UBE2V1: variants seen among roughly 807,000 people sequenced by gnomAD.
UBE2V1 encodes ubiquitin-conjugating enzyme E2 variant 1.
UBE2V1 carries 15 observed loss-of-function variants against 19.6 expected under a neutral mutation model. That is an observed-to-expected ratio of 0.77 (90% CI 0.51 to 1.18). The LOEUF (loss-of-function observed/expected upper bound fraction) is 1.18. Ranked by LOEUF, UBE2V1 falls within the 50% of genes most tolerant of loss-of-function variation. The probability of loss-of-function intolerance (pLI) is 0.00; values close to 1 mark genes in which losing one functional copy is unlikely to be tolerated. For synonymous variants in UBE2V1, 60 were observed against 60.7 expected, an observed-to-expected ratio of 0.99 and a Z score of 0.05; for missense variants, 125 against 184.8, an observed-to-expected ratio of 0.68 and a Z score of 1.88.
intron 2 of UBE2V1, among the ~76,000 whole-genome samples, chr20:50,094,208 A>AAT (rs60491332): frequency 0.54 from 61,046 of 112,268 alleles, 19,025 homozygotes; most frequent in African/African-American, 0.81. Flanking sequence ...CAGTATATAT[A>AAT]ATATATAACA....
chr20:50,082,838 C>T lies in UBE2V1; in HGVS notation c.374G>A (p.Arg125Gln), dbSNP rs1460812332. 8 of 1,613,212 alleles carry T rather than the reference C, an allele frequency of 5.0e-6. No homozygotes were observed. The highest frequency in any genetic ancestry group is 1.3e-5 in the African/African-American group (1 of 74,974). ...ATTTTCTTTAGACATCATTAGGCGC[C>T]GAAGCTCTTGCAGGACAACTTTGAT... is the stretch of plus-strand genomic sequence containing the variant. ...YSIKVVLQEL[R>Q]RLMMSKENMK... Residue 125 changes from arginine (R) to glutamine (Q), a missense_variant, in exon 4 of 4, where the codon CGG becomes CAG. Arg to Gln is a conservative substitution (Grantham distance 43, BLOSUM62 1). This residue lies in a region of UBE2V1 where 78 missense variants were observed against 108.8 expected (regional missense o/e 0.72). Coordinates refer to ENST00000371674, the MANE Select transcript of UBE2V1 (RefSeq NM_001032288.3).
At chr20:50,084,477 C>A (rs762326445) in intron 2 of UBE2V1, 1 of 760,528 alleles carries the variant, frequency 1.3e-6, no homozygotes, top group African/African-American at 1.7e-5. Context: ...AGCATTTAAG[C>A]TAGTACCAGT....
chr20:50,085,494 C>T (rs1041142784), intron 2 of UBE2V1, among the ~76,000 whole-genome samples: 98 of 152,254 alleles, frequency 6.4e-4, no homozygotes, highest in African/African-American at 2.2e-3. Context: ...GAGTAACCCC[C>T]TCAAAGGCAG....
At chr20:50,094,009 A>AAAAAT (rs2079415148) in intron 2 of UBE2V1, among the ~76,000 whole-genome samples, 1 of 125,502 alleles carries the variant, frequency 8.0e-6, no homozygotes, top group East Asian at 2.1e-4. Flanking sequence ...AAAAAAAAAA[A>AAAAAT]AAATAATAAT....
intron 1 of UBE2V1, among the ~76,000 whole-genome samples, chr20:50,101,313 T>G (rs1361402626): frequency 6.6e-6 from 1 of 152,150 alleles, no homozygotes; most frequent in Non-Finnish European, 1.5e-5. Context: ...TGCTATCTAC[T>G]GAACAATTAC....
chr20:50,110,350 G>T (rs2080674651), intron 1 of UBE2V1, among the ~76,000 whole-genome samples: 2 of 152,254 alleles, frequency 1.3e-5, no homozygotes, highest in South Asian at 4.1e-4. Context: ...GAAGTGGGAA[G>T]GTGGTGTAGC....
intron 1 of UBE2V1, among the ~76,000 whole-genome samples, chr20:50,098,132 T>C (rs141530901): frequency 6.6e-6 from 1 of 152,264 alleles, no homozygotes; most frequent in East Asian, 1.9e-4. Context: ...GGAAAAGTGT[T>C]ATTGCAATCA....
At chr20:50,089,400 G>T (rs980665928) in intron 2 of UBE2V1, among the ~76,000 whole-genome samples, 3 of 152,198 alleles carry the variant, frequency 2.0e-5, no homozygotes, top group Non-Finnish European at 4.4e-5. Flanking sequence ...CTGATGCCAG[G>T]ATGAAGGGCT....
chr20:50,103,466 T>C (rs370096709), intron 1 of UBE2V1, among the ~76,000 whole-genome samples: 2 of 152,124 alleles, frequency 1.3e-5, no homozygotes, highest in South Asian at 4.1e-4. Context: ...AGTGCAGTGG[T>C]GTGATTTTGG....
chr20:50,115,556 G>C, upstream of UBE2V1: 1 of 1,575,716 alleles, frequency 6.3e-7, no homozygotes, highest in Non-Finnish European at 8.7e-7. Flanking sequence ...CAGGTAAGAC[G>C]CTTGAACCTC....
chr20:50,111,386 A>ACAGCAC, intron 1 of UBE2V1: 1 of 1,000,214 alleles, frequency 1.0e-6, no homozygotes, highest in South Asian at 4.7e-5. Flanking sequence ...CTGAGCTGCA[A>ACAGCAC]CAGCACCTTA....
chr20:50,093,824 T>C (rs555105060), intron 2 of UBE2V1, among the ~76,000 whole-genome samples: 2 of 151,068 alleles, frequency 1.3e-5, no homozygotes, highest in Admixed American at 1.3e-4. Context: ...ACCCCGTCTC[T>C]ACTAAAAATA....
intron 2 of UBE2V1, among the ~76,000 whole-genome samples, chr20:50,088,879 A>G (rs2079070709): frequency 6.6e-6 from 1 of 152,188 alleles, no homozygotes; most frequent in African/African-American, 2.4e-5. Context: ...AACATACAAA[A>G]AGGAAACATT....
chr20:50,110,137 G>C (rs1601161407), intron 1 of UBE2V1, among the ~76,000 whole-genome samples: 3 of 152,376 alleles, frequency 2.0e-5, no homozygotes, highest in Admixed American at 2.0e-4. Context: ...CTCATTTTCT[G>C]ATTAAATGTC....
intron 2 of UBE2V1, among the ~76,000 whole-genome samples, chr20:50,085,003 TCTC>T (rs1423875431): frequency 6.7e-6 from 1 of 148,500 alleles, no homozygotes; most frequent in East Asian, 2.0e-4. Flanking sequence ...TTCAAGTGAC[TCTC>T]CTGTCTCCTG....
At chr20:50,098,089 G>A (rs1053518916) in intron 1 of UBE2V1, among the ~76,000 whole-genome samples, 4 of 152,130 alleles carry the variant, frequency 2.6e-5, no homozygotes, top group Admixed American at 1.3e-4. Context: ...GGAGTAATAC[G>A]GGAGGGGCTA....
chr20:50,085,581 C>A (rs1181123579), intron 2 of UBE2V1, among the ~76,000 whole-genome samples: 1 of 152,198 alleles, frequency 6.6e-6, no homozygotes, highest in East Asian at 1.9e-4. Flanking sequence ...GGCATCCGTG[C>A]CCTCTCCTCA....
intron 1 of UBE2V1, among the ~76,000 whole-genome samples, chr20:50,097,587 G>T (rs1253337053): frequency 6.6e-6 from 1 of 152,160 alleles, no homozygotes; most frequent in African/African-American, 2.4e-5. Context: ...GCTATGGGAG[G>T]AGAGAGAGAT....
intron 1 of UBE2V1, among the ~76,000 whole-genome samples, chr20:50,105,756 C>T (rs903158595): frequency 6.6e-6 from 1 of 152,058 alleles, no homozygotes; most frequent in Admixed American, 6.5e-5. Flanking sequence ...ATGGTGAAAC[C>T]CCATCTCTAT....
Sources: allele counts gnomAD v4.1 joint callset (sites outside exome capture counted in the v4.1 genomes callset), GRCh38; gene constraint gnomAD v4.1.1; regional missense constraint gnomAD v4.1.1; transcripts MANE v1.5; gene names NCBI Gene and HGNC (gene_info 2026-07-23, HGNC 2026-07-21).